BBS9: variants seen among roughly 807,000 people sequenced by gnomAD.
The protein encoded by BBS9 is protein PTHB1.
Under a neutral mutation model 117.7 loss-of-function variants are expected in BBS9, and 89 were observed. The observed-to-expected ratio is 0.76, with a 90% CI of 0.64 to 0.90. BBS9 has a LOEUF of 0.90. BBS9 is among the 40% of genes least tolerant of loss of function. The pLI, the probability that BBS9 is intolerant of heterozygous loss-of-function variation, is 0.00. For synonymous variants in BBS9, 379 were observed against 370.9 expected (o/e 1.02, Z -0.25); for missense variants, 982 against 1,042.2 (o/e 0.94, Z 0.80).
intron 19 of BBS9, among the ~76,000 whole-genome samples, chr7:33,467,744 G>A (rs1283745001): frequency 6.6e-6 from 1 of 152,108 alleles, no homozygotes; most frequent in East Asian, 1.9e-4. Flanking sequence ...TGTACTGAAA[G>A]ATAATAAATG....
intron 5 of BBS9, among the ~76,000 whole-genome samples, chr7:33,231,760 A>G (rs1792494378): frequency 6.6e-6 from 1 of 152,132 alleles, no homozygotes; most frequent in Non-Finnish European, 1.5e-5. Flanking sequence ...CTTTGTTTTC[A>G]GGGTTTGATT....
intron 5 of BBS9, among the ~76,000 whole-genome samples, chr7:33,210,274 G>C (rs866099759): frequency 6.6e-6 from 1 of 152,130 alleles, no homozygotes; most frequent in South Asian, 2.1e-4. Context: ...ATTATTTCAA[G>C]TTTTTTGAAT....
chr7:33,614,084 G>A (rs1387283606), intron 21 of BBS9, among the ~76,000 whole-genome samples: 1 of 152,038 alleles, frequency 6.6e-6, no homozygotes, highest in Admixed American at 6.6e-5. Context: ...AATCCTGAGA[G>A]GTCAGCCTGT....
intron 5 of BBS9, among the ~76,000 whole-genome samples, chr7:33,240,288 T>C (rs1375221865): frequency 6.6e-6 from 1 of 150,802 alleles, no homozygotes; most frequent in African/African-American, 2.4e-5. Context: ...GACAGGATCT[T>C]GCTATGTCAC....
At chr7:33,329,039 A>T (rs1813430096) in intron 9 of BBS9, among the ~76,000 whole-genome samples, 1 of 109,936 alleles carries the variant, frequency 9.1e-6, no homozygotes. Flanking sequence ...GTTTATTTAG[A>T]AACGGAGTTT....
At chr7:33,503,802 G>C (rs1845779327) in intron 19 of BBS9, among the ~76,000 whole-genome samples, 1 of 152,034 alleles carries the variant, frequency 6.6e-6, no homozygotes, top group African/African-American at 2.4e-5. Flanking sequence ...TCATGGTGGG[G>C]GTGGGGGAGG....
intron 19 of BBS9, chr7:33,390,169 C>G: frequency 1.2e-6 from 1 of 809,050 alleles, no homozygotes; most frequent in Non-Finnish European, 1.5e-6. Context: ...ACCGTCATCC[C>G]TGCCTGCCAT....
Position 33,204,172 on chromosome 7 carries a change from A to T in BBS9, c.442+26581A>T, listed in dbSNP as rs1583611341. The stretch of plus-strand genomic sequence containing the variant: ...TAATCCCAGCACTTTGGGAGGCCAA[A>T]GGCAGGTGGATCACCTGAGGTCAGG... On this transcript the variant is annotated intron_variant, in intron 5 of 22. Coordinates refer to ENST00000242067, the MANE Select transcript of BBS9 (RefSeq NM_198428.3). 2.2e-5 allele frequency among the ~76,000 whole-genome samples: 3 copies of T among 138,830 alleles called. No individual in the cohort carries two copies. In the Admixed American group the frequency reaches 2.2e-4, roughly 10 times the overall value. The allele number at this position is 138,830 out of a possible 152,430, so 91.1% of individuals were successfully genotyped here. A position where few individuals can be genotyped will look rare whatever the true frequency, so the allele number is the denominator to read the frequency against.
intron 9 of BBS9, among the ~76,000 whole-genome samples, chr7:33,275,645 G>T (rs1043873561): frequency 1.3e-5 from 2 of 152,080 alleles, no homozygotes; most frequent in Non-Finnish European, 2.9e-5. Flanking sequence ...AAATTATTGG[G>T]GTTTTGGTGT....
chr7:33,352,988 A>T (rs1818954971), intron 15 of BBS9, 115 bp downstream of exon 15: 1 of 1,105,034 alleles, frequency 9.0e-7, no homozygotes, highest in Admixed American at 2.0e-5. Flanking sequence ...TAACTAGAAG[A>T]AGTTCTTTAG....
In BBS9 at chr7:33,184,502, C is replaced by A. The variant is rs1312172819; in HGVS notation, c.442+6911C>A. Among the ~76,000 whole-genome samples, 9 of 152,160 alleles carry A rather than the reference C, an allele frequency of 5.9e-5. 1 individual carries two copies. Among genetic ancestry groups the A allele is most frequent in the Admixed American group, 5.9e-4 (9 of 15,274 alleles). ...CCTAAATCTTAAGAAGAACTCTAAC[C>A]TTCCTAAGTTGGGTCTCGAACCCAA... On this transcript the variant is annotated intron_variant, in intron 5 of 22. Coordinates refer to ENST00000242067, the MANE Select transcript of BBS9 (RefSeq NM_198428.3).
intron 4 of BBS9, among the ~76,000 whole-genome samples, chr7:33,176,092 T>A (rs1454721464): frequency 6.6e-6 from 1 of 151,958 alleles, no homozygotes; most frequent in African/African-American, 2.4e-5. Flanking sequence ...GGAGGGAGAC[T>A]TTTTTTTATA....
At chr7:33,541,136 G>A (rs772854677) in intron 21 of BBS9, among the ~76,000 whole-genome samples, 2 of 151,710 alleles carry the variant, frequency 1.3e-5, no homozygotes, top group Non-Finnish European at 2.9e-5. Flanking sequence ...CCTTCTGGTT[G>A]GCCTCTCTTC....
chr7:33,568,340 C>T (rs749828284), intron 21 of BBS9, among the ~76,000 whole-genome samples: 1 of 152,180 alleles, frequency 6.6e-6, no homozygotes, highest in Non-Finnish European at 1.5e-5. Flanking sequence ...CCTCCAGAAG[C>T]TCTTGCTGAC....
At chr7:33,314,228 T>C (rs1202483045) in intron 9 of BBS9, 1 of 419,354 alleles carries the variant, frequency 2.4e-6, no homozygotes, top group Non-Finnish European at 4.6e-6. Flanking sequence ...TATCTAATTT[T>C]AATTTCCTTT....
chr7:33,434,565 G>A (rs894451630), intron 19 of BBS9, among the ~76,000 whole-genome samples: 1 of 152,104 alleles, frequency 6.6e-6, no homozygotes, highest in African/African-American at 2.4e-5. Flanking sequence ...TGAGCATTCA[G>A]ACAGATAACA....
At chr7:33,504,456 C>A (rs1036806816) in intron 19 of BBS9, among the ~76,000 whole-genome samples, 10 of 152,164 alleles carry the variant, frequency 6.6e-5, no homozygotes, top group Admixed American at 2.6e-4. Flanking sequence ...TTAAAAAGCC[C>A]TTTGGGCCCG....
At chr7:33,516,939 T>G (rs914077843) in intron 20 of BBS9, among the ~76,000 whole-genome samples, 5 of 152,212 alleles carry the variant, frequency 3.3e-5, no homozygotes, top group Non-Finnish European at 5.9e-5. Flanking sequence ...AGGAATATGT[T>G]TCATTTTTTG....
chr7:33,283,452 C>T (rs576050001), intron 9 of BBS9, among the ~76,000 whole-genome samples: 15 of 151,512 alleles, frequency 9.9e-5, no homozygotes, highest in East Asian at 3.9e-4. Flanking sequence ...TTTTTCATGT[C>T]GCTTATCCAT....
Sources: gnomAD v4.1 joint callset for allele counts (sites outside exome capture counted in the v4.1 genomes callset) on GRCh38, gnomAD v4.1.1 for gene constraint, MANE v1.5 for transcripts, NCBI Gene and HGNC (gene_info 2026-07-23, HGNC 2026-07-21) for gene names.